The following ZNF516 variants were observed in gnomAD, a reference collection of about 807,000 sequenced individuals.
ZNF516 encodes the protein zinc finger protein 516.
A neutral mutation model predicts 79.7 loss-of-function variants in ZNF516; 19 were observed. The ratio of observed to expected loss-of-function variants is 0.24; its 90% CI spans 0.17 to 0.35. ZNF516 has a LOEUF of 0.35. Ranked by LOEUF, ZNF516 falls within the 10% of genes least tolerant of loss-of-function variation. ZNF516 has a pLI of 1.00. For synonymous variants in ZNF516, 877 were observed against 739.5 expected, an observed-to-expected ratio of 1.19 and a Z score of -3.02; for missense variants, 1,678 against 1,679.5, an observed-to-expected ratio of 1.00 and a Z score of 0.02.
chr18:76,423,542 C>T (rs1310138345), intron 3 of ZNF516, among the ~76,000 whole-genome samples: 29 of 149,690 alleles, frequency 1.9e-4, no homozygotes, highest in African/African-American at 6.9e-4. Context: ...GAAAAGGCTT[C>T]CCCGAAACAC....
At chr18:76,402,479 G>GCCA (rs1352116649) in intron 3 of ZNF516, among the ~76,000 whole-genome samples, 1 of 152,114 alleles carries the variant, frequency 6.6e-6, no homozygotes, top group Non-Finnish European at 1.5e-5. Flanking sequence ...GACCCCCTCT[G>GCCA]CCACCCACGT....
intron 6 of ZNF516, among the ~76,000 whole-genome samples, chr18:76,369,929 A>G (rs980029467): frequency 6.6e-6 from 1 of 152,164 alleles, no homozygotes; most frequent in Non-Finnish European, 1.5e-5. Flanking sequence ...TCTACTTTAG[A>G]GCAGGACTCA....
intron 1 of ZNF516, chr18:76,492,744 C>T (rs756954561): frequency 1.0e-6 from 1 of 985,554 alleles, no homozygotes; most frequent in Non-Finnish European, 1.2e-6. Flanking sequence ...CCTCTTTTCT[C>T]CCCCTTCTGC....
intron 2 of ZNF516, among the ~76,000 whole-genome samples, chr18:76,453,029 C>T (rs752742499): frequency 1.1e-4 from 16 of 152,338 alleles, no homozygotes; most frequent in South Asian, 8.3e-4. Flanking sequence ...AAAATTATTG[C>T]ATTACTGTTA....
intron 1 of ZNF516, among the ~76,000 whole-genome samples, chr18:76,479,896 TC>T (rs1914401247): frequency 6.6e-6 from 1 of 152,144 alleles, no homozygotes; most frequent in African/African-American, 2.4e-5. Flanking sequence ...AAGAGCCCTT[TC>T]CCCTTAAACT....
At chr18:76,463,680 A>C (rs1913266621) in intron 1 of ZNF516, among the ~76,000 whole-genome samples, 1 of 152,206 alleles carries the variant, frequency 6.6e-6, no homozygotes, top group Non-Finnish European at 1.5e-5. Context: ...CTAGGGAGCC[A>C]GTCTGTGACC....
intron 3 of ZNF516, among the ~76,000 whole-genome samples, chr18:76,399,608 C>T (rs1313703993): frequency 6.6e-6 from 1 of 152,200 alleles, no homozygotes; most frequent in African/African-American, 2.4e-5. Context: ...CTCATCTCAG[C>T]GAAAGCCTGG....
intron 1 of ZNF516, among the ~76,000 whole-genome samples, chr18:76,489,439 A>G (rs767678497): frequency 1.3e-5 from 2 of 152,164 alleles, no homozygotes; most frequent in East Asian, 1.9e-4. Context: ...TAAAACTCAA[A>G]TATCTCCTTG....
At chr18:76,471,203 C>T (rs1913814874) in intron 1 of ZNF516, among the ~76,000 whole-genome samples, 3 of 151,958 alleles carry the variant, frequency 2.0e-5, no homozygotes, top group African/African-American at 4.8e-5. Context: ...CTGGCATATC[C>T]GTTCAGATGA....
intron 3 of ZNF516, among the ~76,000 whole-genome samples, chr18:76,417,734 T>C (rs903536711): frequency 6.6e-6 from 1 of 152,224 alleles, no homozygotes; most frequent in African/African-American, 2.4e-5. Context: ...TTCCTACAAA[T>C]ATATGTATCA....
chr18:76,467,220 C>T lies in ZNF516; in HGVS notation c.-271-4079G>A, dbSNP rs56107575. 4.6e-3 allele frequency among the ~76,000 whole-genome samples: 42 copies of T among 9,102 alleles called. 6 individuals carry two copies. Among genetic ancestry groups the T allele is most frequent in the Non-Finnish European group, 7.8e-3 (16 of 2,064 alleles). 6.0% of individuals were successfully genotyped at this position (9,102 alleles called of 152,430 possible). ...ACCTGCAGCTCACAGCCCCTCTGGG[C>T]TGGCAGGAAGTCCTGCGTGTCTCTC... On this transcript the variant is annotated intron_variant, in intron 1 of 6. Coordinates refer to ENST00000443185, the MANE Select transcript of ZNF516 (RefSeq NM_014643.4). This position sits in a 1 kb window ranked among gnomAD's most constrained non-coding sequence, Gnocchi z 4.2.
At chr18:76,403,374 C>G (rs2075257508) in intron 3 of ZNF516, among the ~76,000 whole-genome samples, 1 of 152,202 alleles carries the variant, frequency 6.6e-6, no homozygotes, top group South Asian at 2.1e-4. Flanking sequence ...ACATACAAAG[C>G]ACAAGCATGT....
chr18:76,384,240 C>T (rs992328461), intron 3 of ZNF516, among the ~76,000 whole-genome samples: 4 of 151,862 alleles, frequency 2.6e-5, no homozygotes, highest in Non-Finnish European at 5.9e-5. Flanking sequence ...GCAGCAGGCA[C>T]AGGACACACC....
chr18:76,441,141 A>T lies in ZNF516; in HGVS notation c.1810+104T>A, dbSNP rs1170317244. The T allele has an allele frequency of 4.2e-6, 6 of 1,428,112 alleles. No individual in the cohort carries two copies. The African/African-American group carries it at 8.7e-5, about 21-fold the overall frequency. The allele number at this position is 1,428,112 out of a possible 1,614,324, so 88.5% of individuals were successfully genotyped here. A position where few individuals can be genotyped will look rare whatever the true frequency, so the allele number is the denominator to read the frequency against. ...CTAGCTGAGTAAAGGGCCACCGGGTAAGGGGCTAATGAGCGAGCCTACTTG... is the reference window on the plus strand; with the variant it reads ...CTAGCTGAGTAAAGGGCCACCGGGTTAGGGGCTAATGAGCGAGCCTACTTG... On this transcript the variant is annotated intron_variant, in intron 3 of 6. Coordinates refer to ENST00000443185, the MANE Select transcript of ZNF516 (RefSeq NM_014643.4).
chr18:76,410,857 T>C (rs900233192), intron 3 of ZNF516, among the ~76,000 whole-genome samples: 1 of 152,176 alleles, frequency 6.6e-6, no homozygotes, highest in Non-Finnish European at 1.5e-5. Context: ...TCTCAGGTTA[T>C]AGCCAATTAA....
chr18:76,464,997 C>T (rs1397065058), intron 1 of ZNF516, among the ~76,000 whole-genome samples: 1 of 152,132 alleles, frequency 6.6e-6, no homozygotes, highest in Non-Finnish European at 1.5e-5. Flanking sequence ...CAGCTGCACC[C>T]TCCTCACCTT....
chr18:76,492,494 C>A, intron 1 of ZNF516: 1 of 485,866 alleles, frequency 2.1e-6, no homozygotes, highest in Non-Finnish European at 2.7e-6. Flanking sequence ...TTGCCAGGGA[C>A]TAGGCATCAA....
At chr18:76,446,774 T>C (rs1912076024) in intron 2 of ZNF516, among the ~76,000 whole-genome samples, 1 of 152,236 alleles carries the variant, frequency 6.6e-6, no homozygotes, top group South Asian at 2.1e-4. Context: ...TCCTGCTCAC[T>C]ACCTCTCCGC....
chr18:76,378,952 G>A lies in ZNF516; in HGVS notation c.3162C>T (p.Arg1054=). 2 of 1,613,812 alleles carry A rather than the reference G, an allele frequency of 1.2e-6. No homozygotes were observed. The highest frequency in any genetic ancestry group is 8.5e-7 in the Non-Finnish European group (1 of 1,179,822). The change falls in exon 4 of 7, where the codon CGC becomes CGT. Residue 1054 remains arginine (R), a synonymous_variant. Coordinates refer to ENST00000443185, the MANE Select transcript of ZNF516 (RefSeq NM_014643.4). ...TCTTAAAGATGTTGAGGATGTCCAG[G>A]CGCTTCTCATGCCCCTCGGCCACCG... is the stretch of plus-strand genomic sequence containing the variant. ...QEPVAEGHEK[R]LDILNIFKTY...
Sources: allele counts gnomAD v4.1 joint callset (sites outside exome capture counted in the v4.1 genomes callset), GRCh38; gene constraint gnomAD v4.1.1; non-coding constraint Gnocchi (gnomAD v3.1); transcripts MANE v1.5; gene names NCBI Gene and HGNC (gene_info 2026-07-23, HGNC 2026-07-21).